CNTNAP2: variants seen among roughly 807,000 people sequenced by gnomAD.
CNTNAP2 encodes contactin-associated protein-like 2.
Under a neutral mutation model 155.2 loss-of-function variants are expected in CNTNAP2, and 98 were observed. That is an observed-to-expected ratio of 0.63 (90% CI 0.54 to 0.75). The LOEUF is 0.75. Among genes scored for constraint, CNTNAP2 ranks in the 30% least tolerant of loss-of-function variants. The pLI is 0.00. For missense variants in CNTNAP2, 1,727 were observed against 1,688.1 expected (o/e 1.02, Z -0.40); for synonymous variants, 651 against 631.2 (o/e 1.03, Z -0.47).
chr7:147,458,193 C>A (rs1797956302), intron 10 of CNTNAP2, among the ~76,000 whole-genome samples: 1 of 152,136 alleles, frequency 6.6e-6, no homozygotes, highest in South Asian at 2.1e-4. Flanking sequence ...TTTTGAAAAT[C>A]TGCATAATAT....
chr7:148,244,072 G>T (rs1367159039), intron 20 of CNTNAP2, among the ~76,000 whole-genome samples: 16 of 152,226 alleles, frequency 1.1e-4, no homozygotes, highest in Non-Finnish European at 2.1e-4. Flanking sequence ...GATTATAGAA[G>T]TGTCATCACT....
chr7:147,685,017 A>G (rs1416309219), intron 13 of CNTNAP2, among the ~76,000 whole-genome samples: 1 of 151,908 alleles, frequency 6.6e-6, no homozygotes, highest in Admixed American at 6.6e-5. Context: ...TTGACATAAG[A>G]GAATCTGAAG....
At chr7:146,544,728 A>C (rs117724852) in intron 1 of CNTNAP2, among the ~76,000 whole-genome samples, 1,675 of 123,954 alleles carry the variant, frequency 0.014, 17 homozygotes, top group Non-Finnish European at 0.022. Flanking sequence ...AGTTGATATT[A>C]AGCAGGTTGT....
intron 8 of CNTNAP2, among the ~76,000 whole-genome samples, chr7:147,253,557 T>G (rs779494822): frequency 6.6e-6 from 1 of 152,166 alleles, no homozygotes; most frequent in African/African-American, 2.4e-5. Flanking sequence ...ACCAAAGATC[T>G]CTGAAGATTT....
At chr7:146,403,793 T>G (rs2129109034) in intron 1 of CNTNAP2, among the ~76,000 whole-genome samples, 1 of 152,270 alleles carries the variant, frequency 6.6e-6, no homozygotes, top group East Asian at 1.9e-4. Context: ...GAACAGAGAC[T>G]AGCACTGTCT....
chr7:147,273,807 T>A (rs559565879), intron 8 of CNTNAP2, among the ~76,000 whole-genome samples: 1 of 147,358 alleles, frequency 6.8e-6, no homozygotes, highest in South Asian at 2.1e-4. Context: ...TTTTTATATC[T>A]ATACATATAT....
chr7:148,332,819 G>A (rs1013581609), intron 21 of CNTNAP2, among the ~76,000 whole-genome samples: 13 of 152,306 alleles, frequency 8.5e-5, no homozygotes, highest in Admixed American at 2.0e-4. Context: ...TGGAAACGGG[G>A]AGGGTGGATG....
rs539590365 is a variant in CNTNAP2, at chr7:146,473,396, CCTT to C, written c.98-300868_98-300866del. ...TCTGGCTTTTTTCTTGCCTCTTTTCCCTTCTTCTTTTCCTTTCTTCTTTTCCTA... is the reference window on the plus strand; with the variant it reads ...TCTGGCTTTTTTCTTGCCTCTTTTCCCTTCTTTTCCTTTCTTCTTTTCCTA... On this transcript the variant is annotated intron_variant, in intron 1 of 23. Transcript: ENST00000361727. 4.7e-4 allele frequency among the ~76,000 whole-genome samples: 72 copies of C among 151,930 alleles called. No individual in the cohort carries two copies. The South Asian group carries it at 0.014, about 29-fold the overall frequency.
chr7:146,789,736 C>T (rs930865789), intron 2 of CNTNAP2, among the ~76,000 whole-genome samples: 1 of 151,488 alleles, frequency 6.6e-6, no homozygotes, highest in African/African-American at 2.4e-5. Flanking sequence ...TATGCAGCAC[C>T]AATACGCTAG....
chr7:146,338,821 A>C (rs2129096142), intron 1 of CNTNAP2, among the ~76,000 whole-genome samples: 1 of 152,200 alleles, frequency 6.6e-6, no homozygotes, highest in African/African-American at 2.4e-5. Flanking sequence ...TTACAAGTGT[A>C]TTTTATATAA....
intron 12 of CNTNAP2, among the ~76,000 whole-genome samples, chr7:147,601,455 T>G (rs1462582173): frequency 2.0e-5 from 3 of 151,932 alleles, no homozygotes; most frequent in African/African-American, 7.3e-5. Context: ...AGAAGGAATT[T>G]CACAAGGTAA....
intron 12 of CNTNAP2, among the ~76,000 whole-genome samples, chr7:147,602,651 C>T (rs942009582): frequency 3.3e-4 from 50 of 151,484 alleles, no homozygotes; most frequent in African/African-American, 1.2e-3. Flanking sequence ...CCCCCCACCC[C>T]ACAACAGGCC....
At chr7:146,493,645 T>C (rs964876646) in intron 1 of CNTNAP2, among the ~76,000 whole-genome samples, 7 of 152,054 alleles carry the variant, frequency 4.6e-5, no homozygotes, top group African/African-American at 1.7e-4. Flanking sequence ...TTATTAAAGG[T>C]AGTTAAGAGA....
intron 13 of CNTNAP2, among the ~76,000 whole-genome samples, chr7:147,668,685 T>C (rs1795739124): frequency 6.6e-6 from 1 of 152,170 alleles, no homozygotes; most frequent in Non-Finnish European, 1.5e-5. Flanking sequence ...AAAATATTTT[T>C]GTACGGCTGT....
intron 1 of CNTNAP2, among the ~76,000 whole-genome samples, chr7:146,668,902 A>C (rs1487899275): frequency 2.0e-5 from 3 of 152,012 alleles, no homozygotes; most frequent in African/African-American, 7.2e-5. Flanking sequence ...CTTTATTGCT[A>C]GTTAGCCCAT....
chr7:146,218,955 A>C (rs1799161418), intron 1 of CNTNAP2, among the ~76,000 whole-genome samples: 1 of 152,186 alleles, frequency 6.6e-6, no homozygotes, highest in African/African-American at 2.4e-5. Flanking sequence ...CATTATAAAG[A>C]CACTATCTGA....
chr7:146,181,157 G>A (rs1424796500), intron 1 of CNTNAP2, among the ~76,000 whole-genome samples: 2 of 152,054 alleles, frequency 1.3e-5, no homozygotes, highest in African/African-American at 2.4e-5. Flanking sequence ...GCACTTTGGG[G>A]GAACAACATG....
At chr7:147,301,856 T>C (rs1326380110) in intron 9 of CNTNAP2, among the ~76,000 whole-genome samples, 1 of 152,192 alleles carries the variant, frequency 6.6e-6, no homozygotes, top group Non-Finnish European at 1.5e-5. Flanking sequence ...GGCAATTTAC[T>C]GACTTGCCAC....
At chr7:147,339,367 A>G (rs892535999) in intron 9 of CNTNAP2, among the ~76,000 whole-genome samples, 3 of 152,062 alleles carry the variant, frequency 2.0e-5, no homozygotes, top group Non-Finnish European at 4.4e-5. Flanking sequence ...ACAGTAGGTC[A>G]TTATAAAGAA....
Sources: gnomAD v4.1 joint callset for allele counts (sites outside exome capture counted in the v4.1 genomes callset) on GRCh38, gnomAD v4.1.1 for gene constraint, MANE v1.5 for transcripts, NCBI Gene and HGNC (gene_info 2026-07-23, HGNC 2026-07-21) for gene names.